The following PCNX2 variants were observed in gnomAD, a reference collection of about 807,000 sequenced individuals.
The protein encoded by PCNX2 is pecanex-like protein 2.
PCNX2 carries 168 observed loss-of-function variants against 223.8 expected under a neutral mutation model. The ratio of observed to expected loss-of-function variants is 0.75; its 90% CI spans 0.66 to 0.85. The LOEUF (loss-of-function observed/expected upper bound fraction) is 0.85, where lower values mean the gene tolerates loss of function less well. PCNX2 is among the 40% of genes least tolerant of loss of function. The probability of loss-of-function intolerance (pLI) is 0.00; values close to 1 mark genes in which losing one functional copy is unlikely to be tolerated. For missense variants in PCNX2, 2,507 were observed against 2,675.5 expected (o/e 0.94, Z 1.39); for synonymous variants, 1,006 against 1,052.6 (o/e 0.96, Z 0.86).
At chr1:233,101,985 C>G (rs72763928) in intron 21 of PCNX2, among the ~76,000 whole-genome samples, 25 of 152,160 alleles carry the variant, frequency 1.6e-4, no homozygotes, top group Non-Finnish European at 3.7e-4. Flanking sequence ...TAAATTTAAA[C>G]TGTTCCAGTA....
At chr1:232,999,524 G>GCTCACTGCA in intron 30 of PCNX2, 145 bp from the exon 31 acceptor site, 1 of 919,534 alleles carries the variant, frequency 1.1e-6, no homozygotes, top group Non-Finnish European at 1.6e-6. Context: ...TGCAATCTCA[G>GCTCACTGCA]CTCACTGCAA....
intron 23 of PCNX2, among the ~76,000 whole-genome samples, chr1:233,084,287 T>G (rs1673495227): frequency 6.6e-6 from 1 of 152,220 alleles, no homozygotes; most frequent in South Asian, 2.1e-4. Flanking sequence ...AACCAATTAT[T>G]TCTTGCTGAG....
chr1:233,208,773 T>C, intron 12 of PCNX2, 84 bp from the exon 13 acceptor site: 2 of 1,027,124 alleles, frequency 1.9e-6, no homozygotes, highest in Non-Finnish European at 2.6e-6. Flanking sequence ...TTACACTATA[T>C]CATATAACTT....
At chr1:233,225,131 AAAAAAAAT>A (rs1485923750) in intron 10 of PCNX2, among the ~76,000 whole-genome samples, 1 of 151,312 alleles carries the variant, frequency 6.6e-6, no homozygotes, top group African/African-American at 2.4e-5. Flanking sequence ...AAAAAAAAAA[AAAAAAAAT>A]GTTATGTTAC....
chr1:233,249,941 C>G (rs1028347443), intron 8 of PCNX2, among the ~76,000 whole-genome samples: 12 of 152,308 alleles, frequency 7.9e-5, no homozygotes, highest in Admixed American at 7.8e-4. Context: ...CCCTTGGGAA[C>G]ACTTTAAACT....
At chr1:233,232,745 C>T (rs1457702378) in intron 9 of PCNX2, 1 of 915,038 alleles carries the variant, frequency 1.1e-6, no homozygotes, top group Admixed American at 6.2e-5. Context: ...GATGTAAATG[C>T]TACCTTTATA....
chr1:233,064,618 C>G (rs985446218), intron 23 of PCNX2, among the ~76,000 whole-genome samples: 2 of 152,160 alleles, frequency 1.3e-5, no homozygotes, highest in African/African-American at 2.4e-5. Context: ...CCCGACCCAC[C>G]ACCCACCCCA....
intron 8 of PCNX2, among the ~76,000 whole-genome samples, chr1:233,243,616 A>C (rs1658917571): frequency 6.6e-6 from 1 of 152,242 alleles, no homozygotes; most frequent in African/African-American, 2.4e-5. Flanking sequence ...AAAGGCTTCC[A>C]TCTGGCCAAA....
At chr1:233,017,273 G>A (rs1214928680) in intron 26 of PCNX2, 119 bp from the exon 27 acceptor site, 1 of 610,214 alleles carries the variant, frequency 1.6e-6, no homozygotes. Context: ...TGTTCTGCTG[G>A]GTGTAATGCA....
chr1:233,087,038 C>T (rs1673639880), intron 23 of PCNX2: 1 of 985,188 alleles, frequency 1.0e-6, no homozygotes, highest in African/African-American at 1.7e-5. Flanking sequence ...CCTAGTGAGG[C>T]ACAGAATCAG....
the PCNX2 span, among the ~76,000 whole-genome samples, chr1:233,322,302 G>A: frequency 6.6e-6 from 1 of 152,070 alleles, no homozygotes; most frequent in Non-Finnish European, 1.5e-5. Flanking sequence ...TGCTGGACTC[G>A]AAAGAGCAGA....
At chr1:233,119,542 G>A (rs79740927) in intron 21 of PCNX2, among the ~76,000 whole-genome samples, 19,526 of 143,448 alleles carry the variant, frequency 0.14, 1,402 homozygotes, top group East Asian at 0.21. Context: ...CAGAGATCCC[G>A]CCACTGCACT....
intron 22 of PCNX2, among the ~76,000 whole-genome samples, chr1:233,093,668 G>C (rs902899093): frequency 6.6e-6 from 1 of 152,102 alleles, no homozygotes; most frequent in Non-Finnish European, 1.5e-5. Flanking sequence ...GGGTACGGGG[G>C]AGAGGGTAAA....
intron 25 of PCNX2, among the ~76,000 whole-genome samples, chr1:233,044,679 T>C (rs1015307127): frequency 6.6e-6 from 1 of 152,140 alleles, no homozygotes; most frequent in East Asian, 1.9e-4. Context: ...CTTTCTTTTT[T>C]TTTTTTGAGA....
chr1:233,220,965 A>C (rs1657339681), intron 10 of PCNX2, among the ~76,000 whole-genome samples: 1 of 152,190 alleles, frequency 6.6e-6, no homozygotes, highest in African/African-American at 2.4e-5. Context: ...ATAAATAACT[A>C]TAGTAAAATA....
At chr1:233,083,519 AG>A (rs544862097) in intron 23 of PCNX2, among the ~76,000 whole-genome samples, 30 of 152,312 alleles carry the variant, frequency 2.0e-4, no homozygotes, top group Middle Eastern at 3.4e-3. Flanking sequence ...CAGAGCACAG[AG>A]GGGCTACCGT....
At chr1:233,269,013 G>A (rs937470147) in intron 1 of PCNX2, among the ~76,000 whole-genome samples, 1 of 152,072 alleles carries the variant, frequency 6.6e-6, no homozygotes, top group Non-Finnish European at 1.5e-5. Context: ...AAGTGGGTAA[G>A]TCTCTATCAC....
Position 233,227,300 on chromosome 1 carries a change from G to A in PCNX2, c.2430C>T (p.Tyr810=), listed in dbSNP as rs767764963. 6.8e-6 allele frequency: 11 copies of A among 1,613,402 alleles called. No individual in the cohort carries two copies. The South Asian group carries it at 9.9e-5, about 14-fold the overall frequency. The change falls in exon 10 of 34, where the codon TAC becomes TAT. Residue 810 remains tyrosine, a synonymous_variant. Transcript: ENST00000258229. ...ACTTGCCAGGGAAAATGATAAATTT[G>A]TAAAACTGCTCTCGGTTAAATTTTC... ...TQGKFNREQF[Y]KFIIFPGKWI...
rs1659836798 is a variant in PCNX2, at chr1:233,258,143, C to T, written c.1719G>A (p.Glu573=). The T allele has an allele frequency of 1.9e-6, 3 of 1,613,946 alleles. No individual in the cohort carries two copies. The highest frequency in any genetic ancestry group is 2.5e-6 in the Non-Finnish European group (3 of 1,179,868). The change falls in exon 5 of 34, where the codon GAG becomes GAA. Residue 573 remains glutamate, a synonymous_variant. Transcript: ENST00000258229. The part of the protein sequence containing the change: ...LEAKEGQMPN[E]SNFLEFVSLL... ...GGGAGACAAATTCCAGGAAGTTGGA[C>T]TCATTTGGCATTTGTCCTTCCTTAG...
Sources: gnomAD v4.1 joint callset for allele counts (sites outside exome capture counted in the v4.1 genomes callset) on GRCh38, gnomAD v4.1.1 for gene constraint, MANE v1.5 for transcripts, NCBI Gene and HGNC (gene_info 2026-07-23, HGNC 2026-07-21) for gene names.